Variants in SEL1L3 observed in about 807,000 individuals in gnomAD.
SEL1L3 encodes protein sel-1 homolog 3.
In SEL1L3, 76 loss-of-function variants were observed where a neutral mutation model predicts 142.8. The observed-to-expected ratio is 0.53, with a 90% CI of 0.44 to 0.64. The LOEUF (loss-of-function observed/expected upper bound fraction) is 0.64. Ranked by LOEUF, SEL1L3 falls within the 30% of genes least tolerant of loss-of-function variation. The pLI, the probability that SEL1L3 is intolerant of heterozygous loss-of-function variation, is 0.00. For missense variants in SEL1L3, 1,262 were observed against 1,381.7 expected, an observed-to-expected ratio of 0.91 and a Z score of 1.37; for synonymous variants, 504 against 519.6, an observed-to-expected ratio of 0.97 and a Z score of 0.41.
At chr4:25,789,241 C>T (rs926368299) in intron 12 of SEL1L3, among the ~76,000 whole-genome samples, 7 of 152,090 alleles carry the variant, frequency 4.6e-5, no homozygotes, top group African/African-American at 9.7e-5. Context: ...AGCAAAGTAT[C>T]GCCTGAAATG....
At chr4:25,799,164 T>C (rs1384098178) in intron 11 of SEL1L3, among the ~76,000 whole-genome samples, 1 of 152,094 alleles carries the variant, frequency 6.6e-6, no homozygotes, top group Admixed American at 6.5e-5. Context: ...AGCCTCCGCC[T>C]CCTAGGTTCA....
At chr4:25,784,429 A>G (rs978950149) in intron 13 of SEL1L3, 139 bp from the exon 14 acceptor site, 57 of 701,330 alleles carry the variant, frequency 8.1e-5, no homozygotes, top group South Asian at 5.7e-4. Context: ...AGGGATTTCT[A>G]TAGGTAGTGC....
intron 1 of SEL1L3, among the ~76,000 whole-genome samples, chr4:25,859,791 G>A (rs1291979958): frequency 2.0e-5 from 3 of 152,124 alleles, no homozygotes; most frequent in Non-Finnish European, 4.4e-5. Context: ...CTTCATTAAC[G>A]ATGGCAAATA....
chr4:25,752,655 T>C (rs1270027910), intron 23 of SEL1L3, among the ~76,000 whole-genome samples: 3 of 152,170 alleles, frequency 2.0e-5, no homozygotes, highest in African/African-American at 4.8e-5. Flanking sequence ...AGTTTCACTC[T>C]TGTTGCCCAG....
chr4:25,817,189 A>C (rs189107872), intron 9 of SEL1L3, among the ~76,000 whole-genome samples: 4 of 152,330 alleles, frequency 2.6e-5, no homozygotes, highest in African/African-American at 9.6e-5. Context: ...CTATTTGCAA[A>C]GGAAATCTAT....
At chr4:25,754,583 T>C (rs1284712010) in intron 23 of SEL1L3, among the ~76,000 whole-genome samples, 1 of 151,882 alleles carries the variant, frequency 6.6e-6, no homozygotes, top group Non-Finnish European at 1.5e-5. Context: ...ATTTTGGAAA[T>C]GTGTGGAGTT....
chr4:25,757,945 G>A, intron 21 of SEL1L3, 155 bp from the exon 22 acceptor site: 1 of 627,774 alleles, frequency 1.6e-6, no homozygotes, highest in South Asian at 2.0e-5. Flanking sequence ...AATAAAGCCA[G>A]TGGCCAAATA....
chr4:25,789,584 CAAAAA>C (rs55852462), intron 12 of SEL1L3, among the ~76,000 whole-genome samples: 28,765 of 124,862 alleles, frequency 0.23, 3,075 homozygotes, highest in Middle Eastern at 0.29. Flanking sequence ...GACCCTGAAT[CAAAAA>C]AAAAAAAAAA....
intron 6 of SEL1L3, among the ~76,000 whole-genome samples, chr4:25,826,910 T>C (rs1394064325): frequency 6.6e-6 from 1 of 152,070 alleles, no homozygotes; most frequent in East Asian, 1.9e-4. Flanking sequence ...GTGATCTGCC[T>C]GCCTCAGCCT....
At chr4:25,859,394 C>T (rs1416425622) in intron 1 of SEL1L3, among the ~76,000 whole-genome samples, 4 of 152,188 alleles carry the variant, frequency 2.6e-5, no homozygotes, top group Admixed American at 1.3e-4. Context: ...TCTTTCAGCC[C>T]TCATCACAAT....
chr4:25,772,021 A>G (rs983750925), intron 17 of SEL1L3, among the ~76,000 whole-genome samples: 3 of 152,240 alleles, frequency 2.0e-5, no homozygotes, highest in Non-Finnish European at 2.9e-5. Flanking sequence ...TCTAGAATAA[A>G]TTCACTCACA....
chr4:25,722,267 G>A, the SEL1L3 span, among the ~76,000 whole-genome samples: 2 of 152,162 alleles, frequency 1.3e-5, no homozygotes, highest in Admixed American at 1.3e-4. Context: ...GATGATAAGA[G>A]TCTCTCTTCT....
chr4:25,735,826 C>CTTTT, the SEL1L3 span, among the ~76,000 whole-genome samples: 42 of 101,574 alleles, frequency 4.1e-4, no homozygotes, highest in African/African-American at 4.7e-4. Flanking sequence ...TCTAACTATT[C>CTTTT]TTTTTTTTTT....
rs543404589 is a variant in SEL1L3 at position 25,847,746 on chromosome 4, C to A, written c.281G>T (p.Arg94Leu). Reference sequence around the variant, plus strand: ...CTCAACCGAGACTTCAGAAACGTTGCGAACGTTTCCTTCAAAGACAGTAAA... The same window carrying A: ...CTCAACCGAGACTTCAGAAACGTTGAGAACGTTTCCTTCAAAGACAGTAAA... The part of the protein sequence containing the change: ...IYFTVFEGNV[R>L]NVSEVSVEYL... The change falls in exon 2 of 24, where the codon CGC becomes CTC. Residue 94 changes from arginine to leucine, a missense_variant. Physicochemically the swap from Arg to Leu is moderately radical, Grantham distance 102. Around this residue, in one of 3 missense-constraint regions of SEL1L3, gnomAD observed 689 missense variants for 692.8 expected, o/e 0.99. Coordinates refer to ENST00000399878, the MANE Select transcript of SEL1L3 (RefSeq NM_015187.5). The A allele has an allele frequency of 4.3e-6, 7 of 1,613,540 alleles. No individual in the cohort carries two copies. In the South Asian group the frequency reaches 6.6e-5, roughly 15 times the overall value.
At chr4:25,760,359 G>A (rs139385963) in intron 20 of SEL1L3, among the ~76,000 whole-genome samples, 1 of 152,222 alleles carries the variant, frequency 6.6e-6, no homozygotes, top group African/African-American at 2.4e-5. Context: ...CTTTGGTATT[G>A]TGAATCATGC....
At chr4:25,739,860 AG>A in the SEL1L3 span, among the ~76,000 whole-genome samples, 1 of 151,868 alleles carries the variant, frequency 6.6e-6, no homozygotes, top group African/African-American at 2.4e-5. Flanking sequence ...AGTATCCTTT[AG>A]GGGGTTGGTT....
chr4:25,779,148 G>T lies in SEL1L3; in HGVS notation c.2513C>A (p.Thr838Asn), dbSNP rs1314724908. 2.5e-6 allele frequency: 4 copies of T among 1,613,588 alleles called. No individual in the cohort carries two copies. The highest frequency in any genetic ancestry group is 2.7e-5 in the African/African-American group (2 of 75,014). The change falls in exon 16 of 24, where the codon ACC becomes AAC. Residue 838 changes from threonine to asparagine, a missense_variant. Thr to Asn is a moderately conservative substitution (Grantham distance 65). Transcript: ENST00000399878. The part of the protein sequence containing the change: ...KAAQGGHMEG[T>N]LWCSLYYITG... ...GATATAGTAGAGAGAACACCACAAG[G>T]TCCCTTCCATGTGTCCACCTTGCGC...
At chr4:25,714,395 C>G in the SEL1L3 span, among the ~76,000 whole-genome samples, 9 of 152,104 alleles carry the variant, frequency 5.9e-5, no homozygotes, top group African/African-American at 2.2e-4. Flanking sequence ...CCAAAAGTGC[C>G]ATTACCAGTC....
intron 6 of SEL1L3, 141 bp from the exon 7 acceptor site, chr4:25,822,269 T>A: frequency 1.1e-6 from 1 of 921,748 alleles, no homozygotes. Flanking sequence ...GAGACCAGCG[T>A]AGGGTCAGGT....
Sources: allele counts gnomAD v4.1 joint callset (sites outside exome capture counted in the v4.1 genomes callset), GRCh38; gene constraint gnomAD v4.1.1; regional missense constraint gnomAD v4.1.1; transcripts MANE v1.5; gene names NCBI Gene and HGNC (gene_info 2026-07-23, HGNC 2026-07-21).